The following NXPH1 variants were observed in gnomAD, a reference collection of about 807,000 sequenced individuals.
NXPH1 encodes neurexophilin 1.
Under a neutral mutation model 23.7 loss-of-function variants are expected in NXPH1, and 5 were observed. That is an observed-to-expected ratio of 0.21 (90% CI 0.11 to 0.44). The LOEUF is 0.44. Ranked by LOEUF, NXPH1 falls within the 20% of genes least tolerant of loss-of-function variation. NXPH1 has a pLI of 0.99. For missense variants in NXPH1, 324 were observed against 321.6 expected (o/e 1.01, Z -0.06); for synonymous variants, 144 against 122.2 (o/e 1.18, Z -1.18).
chr7:8,662,838 A>G (rs1820698975), intron 2 of NXPH1, among the ~76,000 whole-genome samples: 1 of 152,106 alleles, frequency 6.6e-6, no homozygotes, highest in Non-Finnish European at 1.5e-5. Context: ...TTTCTTAAAT[A>G]TATTTTAAAA....
At chr7:8,563,253 G>C (rs1447646494) in intron 2 of NXPH1, among the ~76,000 whole-genome samples, 2 of 151,708 alleles carry the variant, frequency 1.3e-5, no homozygotes, top group African/African-American at 4.8e-5. Context: ...ACTTAATTAG[G>C]AGAAGAAAAA....
chr7:8,496,404 A>C (rs1405846335), intron 2 of NXPH1, among the ~76,000 whole-genome samples: 1 of 152,078 alleles, frequency 6.6e-6, no homozygotes, highest in Non-Finnish European at 1.5e-5. Flanking sequence ...CTTTTGATGA[A>C]TATCATAATC....
At chr7:8,690,145 A>G (rs1821202609) in intron 2 of NXPH1, 1 of 152,218 alleles carries the variant, frequency 6.6e-6, no homozygotes, top group South Asian at 2.1e-4. Flanking sequence ...GGCTTTCCAA[A>G]GTCGTAATTA....
At chr7:8,670,539 T>C (rs76634008) in intron 2 of NXPH1, among the ~76,000 whole-genome samples, 3 of 152,128 alleles carry the variant, frequency 2.0e-5, no homozygotes, top group Non-Finnish European at 4.4e-5. Context: ...TGCCAACATG[T>C]CCAAGTCCTT....
At chr7:8,562,567 T>G (rs4307233) in intron 2 of NXPH1, among the ~76,000 whole-genome samples, 8,878 of 151,694 alleles carry the variant, frequency 0.059, 347 homozygotes, top group Middle Eastern at 0.099. Flanking sequence ...TTAAATGTGA[T>G]TTTTACAGAT....
chr7:8,469,880 CTG>C (rs1428153495), intron 2 of NXPH1, among the ~76,000 whole-genome samples: 2 of 152,074 alleles, frequency 1.3e-5, no homozygotes, highest in African/African-American at 4.8e-5. Context: ...GATAAGGAAA[CTG>C]AGCTTCAGTG....
intron 2 of NXPH1, among the ~76,000 whole-genome samples, chr7:8,571,538 G>C (rs1156585109): frequency 6.6e-6 from 1 of 151,630 alleles, no homozygotes; most frequent in African/African-American, 2.4e-5. Flanking sequence ...TTTATAATGA[G>C]GAAAATCTTA....
intron 2 of NXPH1, among the ~76,000 whole-genome samples, chr7:8,588,419 A>G (rs1819022439): frequency 6.6e-6 from 1 of 152,026 alleles, no homozygotes; most frequent in Non-Finnish European, 1.5e-5. Context: ...ATCTGATATA[A>G]ATCAGGAAAG....
intron 2 of NXPH1, among the ~76,000 whole-genome samples, chr7:8,512,409 C>T (rs113459570): frequency 6.6e-6 from 1 of 152,048 alleles, no homozygotes; most frequent in East Asian, 1.9e-4. Flanking sequence ...AAGGAACTTA[C>T]CTTAAGGAAG....
chr7:8,455,006 A>G (rs1472391183), intron 2 of NXPH1, among the ~76,000 whole-genome samples: 1 of 152,200 alleles, frequency 6.6e-6, no homozygotes, highest in African/African-American at 2.4e-5. Flanking sequence ...TAGAAGTCTA[A>G]TTTATGATGC....
intron 2 of NXPH1, among the ~76,000 whole-genome samples, chr7:8,532,381 T>G (rs569632148): frequency 1.0e-3 from 156 of 148,690 alleles, no homozygotes; most frequent in African/African-American, 3.5e-3. Context: ...AAGCATTTGC[T>G]GCAGCCTGCC....
intron 2 of NXPH1, among the ~76,000 whole-genome samples, chr7:8,500,680 A>C (rs1817416455): frequency 1.3e-5 from 2 of 152,124 alleles, no homozygotes; most frequent in South Asian, 4.1e-4. Flanking sequence ...CTTGTTTCTT[A>C]ACTAGCTTTA....
In NXPH1 at chr7:8,529,046, T is replaced by C. The variant is rs538718159; in HGVS notation, c.54+93279T>C. On this transcript the variant is annotated intron_variant, in intron 2 of 2. Transcript: ENST00000405863. ...GGCAGAATTTAGCTCCTGGACCTGT[T>C]TCTTGTAGGACTCTATTCCCTTGAC... Among the ~76,000 whole-genome samples, 3 of 152,326 alleles carry C rather than the reference T, an allele frequency of 2.0e-5. No individual in the cohort carries two copies. The South Asian group carries it at 6.2e-4, about 32-fold the overall frequency.
chr7:8,531,085 G>T lies in NXPH1; in HGVS notation c.54+95318G>T, dbSNP rs75845775. Among the ~76,000 whole-genome samples the T allele has an allele frequency of 7.6e-3, 1,153 of 152,204 alleles. 10 individuals carry two copies. Among genetic ancestry groups the T allele is most frequent in the Non-Finnish European group, 0.014 (929 of 68,002 alleles). Reference sequence around the variant, plus strand: ...TGGCACTGAACAGAGACACAAACAGGGGCATTCTGAAACCCATCAAGATTC... The same window carrying T: ...TGGCACTGAACAGAGACACAAACAGTGGCATTCTGAAACCCATCAAGATTC... On this transcript the variant is annotated intron_variant, in intron 2 of 2. Coordinates refer to ENST00000405863, the MANE Select transcript of NXPH1 (RefSeq NM_152745.3).
intron 2 of NXPH1, among the ~76,000 whole-genome samples, chr7:8,597,396 G>A (rs1819249592): frequency 6.6e-6 from 1 of 152,118 alleles, no homozygotes; most frequent in Non-Finnish European, 1.5e-5. Flanking sequence ...GGGCAAGTGG[G>A]TGGATGGTAG....
At chr7:8,737,783 T>A (rs1274640324) in intron 2 of NXPH1, among the ~76,000 whole-genome samples, 3 of 152,192 alleles carry the variant, frequency 2.0e-5, no homozygotes, top group Non-Finnish European at 4.4e-5. Context: ...CAAAGGTAGG[T>A]TTGTTTTATT....
intron 2 of NXPH1, among the ~76,000 whole-genome samples, chr7:8,561,508 G>A (rs1483469464): frequency 6.6e-6 from 1 of 151,630 alleles, no homozygotes; most frequent in Non-Finnish European, 1.5e-5. Flanking sequence ...ACTGCCACCT[G>A]AGAGACGCCC....
intron 2 of NXPH1, among the ~76,000 whole-genome samples, chr7:8,733,237 C>T (rs1164803876): frequency 6.6e-6 from 1 of 152,188 alleles, no homozygotes; most frequent in Admixed American, 6.5e-5. Flanking sequence ...CATAGTATTC[C>T]ATGGTGTATA....
intron 2 of NXPH1, among the ~76,000 whole-genome samples, chr7:8,726,959 A>C (rs1007403249): frequency 3.4e-5 from 5 of 149,112 alleles, no homozygotes; most frequent in African/African-American, 1.2e-4. Flanking sequence ...CCAACAGTGT[A>C]AAAGTGTTCC....
Sources: gnomAD v4.1 joint callset for allele counts (sites outside exome capture counted in the v4.1 genomes callset) on GRCh38, gnomAD v4.1.1 for gene constraint, MANE v1.5 for transcripts, NCBI Gene and HGNC (gene_info 2026-07-23, HGNC 2026-07-21) for gene names.